Variants in LONP1 observed in about 807,000 individuals in gnomAD.
LONP1 encodes lon peptidase 1, mitochondrial.
A neutral mutation model predicts 98.5 loss-of-function variants in LONP1; 31 were observed. The ratio of observed to expected loss-of-function variants is 0.31; its 90% CI spans 0.24 to 0.42. The LOEUF (loss-of-function observed/expected upper bound fraction) is 0.42. Among genes scored for constraint, LONP1 ranks in the 20% least tolerant of loss-of-function variants. LONP1 has a pLI of 1.00. For missense variants in LONP1, 1,336 were observed against 1,350.6 expected, an observed-to-expected ratio of 0.99 and a Z score of 0.17; for synonymous variants, 781 against 594.7, an observed-to-expected ratio of 1.31 and a Z score of -4.56.
chr19:5,709,890 C>A (rs1284375442), intron 4 of LONP1, among the ~76,000 whole-genome samples: 2 of 109,382 alleles, frequency 1.8e-5, no homozygotes, highest in Non-Finnish European at 3.4e-5. Context: ...CCAGCCTGGG[C>A]GACAGAGGCT....
At position 5,694,380 on chromosome 19, in the gene LONP1, C is replaced by T. The variant is rs201465261; in HGVS notation, c.2320+7G>A. ...GCTTTGGGGTCTTCTCCCGCCACCA[C>T]GCTCACCCATTGCGGTCCAGGCCAG... On this transcript the variant is annotated splice_region_variant and intron_variant, in intron 15 of 17. Transcript: ENST00000360614. 3.4e-5 allele frequency: 55 copies of T among 1,611,828 alleles called. No homozygotes were observed. Among genetic ancestry groups the T allele is most frequent in the Middle Eastern group, 1.7e-4 (1 of 6,058 alleles).
Position 5,713,257 on chromosome 19 carries a change from TG to T in LONP1, c.519-5del, listed in dbSNP as rs1173253939. 2.0e-5 allele frequency: 33 copies of T among 1,614,062 alleles called. No individual in the cohort carries two copies. The highest frequency in any genetic ancestry group is 2.7e-5 in the Non-Finnish European group (32 of 1,179,926). On this transcript the variant is annotated splice_polypyrimidine_tract_variant and splice_region_variant and intron_variant, in intron 2 of 17. Transcript: ENST00000360614. ...CTCGACCACATCCGACTCATTGCTG[TG>T]GGAGAAGAGCACAGAGGAATGTTGG...
In LONP1 at chr19:5,719,698, C is replaced by CATTA. The variant is rs769553549; in HGVS notation, c.429+2_429+5dup. 1.2e-5 allele frequency: 20 copies of CATTA among 1,613,796 alleles called. No individual in the cohort carries two copies. In the South Asian group the frequency reaches 2.1e-4, roughly 17 times the overall value. On this transcript the variant is annotated splice_donor_region_variant and intron_variant, in intron 1 of 17. Transcript: ENST00000360614. ...AACCTGAGGCCGAGGCGGGGACTCC[C>CATTA]ATTACCTCGATAATCTTGATAAAGC...
chr19:5,700,700 C>G, intron 9 of LONP1, 89 bp downstream of exon 9: 4 of 1,539,466 alleles, frequency 2.6e-6, no homozygotes, highest in Admixed American at 3.7e-5. Context: ...CACCAGGGGG[C>G]TCCTTTGAAA....
rs770161154 is a variant in LONP1 at position 5,713,103 on chromosome 19, C to T, written c.638+31G>A. 33 of 1,613,538 alleles carry T rather than the reference C, an allele frequency of 2.0e-5. 1 individual carries two copies. The South Asian group carries it at 3.4e-4, about 17-fold the overall frequency. The stretch of plus-strand genomic sequence containing the variant: ...GGTCTCCCGCGTGGTACTCTGCCCC[C>T]ACCTCCCACTGTCCCCCGCCAGCCA... On this transcript the variant is annotated intron_variant, in intron 3 of 17. Coordinates refer to ENST00000360614, the MANE Select transcript of LONP1 (RefSeq NM_004793.4).
intron 8 of LONP1, among the ~76,000 whole-genome samples, chr19:5,704,112 G>C (rs1393155361): frequency 6.6e-6 from 1 of 152,200 alleles, no homozygotes; most frequent in Non-Finnish European, 1.5e-5. Context: ...TCCTCACCAG[G>C]TCCTCACGAC....
intron 4 of LONP1, 65 bp from the exon 5 acceptor site, chr19:5,708,468 G>GGGGGGGGGGGGC: frequency 7.3e-6 from 4 of 551,262 alleles, no homozygotes; most frequent in East Asian, 4.7e-5. Context: ...GGCTGGGTGG[G>GGGGGGGGGGGGC]AGCATGGCCC....
At chr19:5,694,638 C>CGGGCGCGGGGTGGTGGGGTTAT in intron 14 of LONP1, 86 bp from the exon 15 acceptor site, 1 of 1,522,928 alleles carries the variant, frequency 6.6e-7, no homozygotes, top group Non-Finnish European at 9.0e-7. Context: ...AAAGGTGTGA[C>CGGGCGCGGGGTGGTGGGGTTAT]GGGCGCGGGG....
intron 1 of LONP1, among the ~76,000 whole-genome samples, chr19:5,716,278 A>G (rs1283399395): frequency 1.1e-5 from 1 of 91,570 alleles, no homozygotes; most frequent in African/African-American, 3.6e-5. Context: ...ATATATATAT[A>G]TATATATATA....
In LONP1 at chr19:5,696,609, C is replaced by G. The variant is rs78785368; in HGVS notation, c.1773+61G>C. ...CGGGGATCCTAGGACCCGGAAGGCT[C>G]GGCTTCATCTTGCACACGGCATTGC... On this transcript the variant is annotated intron_variant, in intron 11 of 17. Coordinates refer to ENST00000360614, the MANE Select transcript of LONP1 (RefSeq NM_004793.4). 12 of 1,486,144 alleles carry G rather than the reference C, an allele frequency of 8.1e-6. No individual in the cohort carries two copies. In the East Asian group the frequency reaches 2.8e-4, roughly 34 times the overall value. The allele number at this position is 1,486,144 out of a possible 1,614,324, so 92.1% of individuals were successfully genotyped here. A position where few individuals can be genotyped will look rare whatever the true frequency, so the allele number is the denominator to read the frequency against.
intron 1 of LONP1, among the ~76,000 whole-genome samples, chr19:5,717,970 A>G (rs2055348600): frequency 6.9e-6 from 1 of 144,158 alleles, no homozygotes; most frequent in Non-Finnish European, 1.5e-5. Flanking sequence ...TCAGCCTCCC[A>G]AAGTGCTGGG....
rs2055242905 is a variant in LONP1 at position 5,711,867 on chromosome 19, C to T, written c.774G>A (p.Leu258=). ...DELSARHPAE[L]AMEPTPELPA... The stretch of plus-strand genomic sequence containing the variant: ...GGAGCTCAGGGGTGGGCTCCATCGC[C>T]AGCTCCGCCGGGTGCCTGGCGCTCA... Residue 258 remains leucine, a synonymous_variant, in exon 4 of 18, where the codon CTG becomes CTA. Transcript: ENST00000360614. 3 of 1,612,924 alleles carry T rather than the reference C, an allele frequency of 1.9e-6. No individual in the cohort carries two copies. Among genetic ancestry groups the T allele is most frequent in the Non-Finnish European group, 2.5e-6 (3 of 1,179,996 alleles).
intron 13 of LONP1, 42 bp from the exon 14 acceptor site, chr19:5,694,943 C>A: frequency 6.4e-7 from 1 of 1,574,614 alleles, no homozygotes; most frequent in Non-Finnish European, 8.7e-7. Context: ...AGGGACCTTG[C>A]CCACCAGCTC....
At chr19:5,710,082 A>ATTTT (rs35535433) in intron 4 of LONP1, among the ~76,000 whole-genome samples, 22 of 137,556 alleles carry the variant, frequency 1.6e-4, no homozygotes, top group African/African-American at 5.9e-4. Context: ...GGCTGTCTGA[A>ATTTT]TTTTTTTTTT....
At chr19:5,714,051 G>C (rs1268033951) in intron 2 of LONP1, 132 bp downstream of exon 2, 2 of 648,516 alleles carry the variant, frequency 3.1e-6, no homozygotes, top group Non-Finnish European at 2.7e-6. Flanking sequence ...GTGGCTTCTG[G>C]CCTTTATTCT....
chr19:5,716,588 G>A (rs79847140), intron 1 of LONP1, among the ~76,000 whole-genome samples: 2 of 146,816 alleles, frequency 1.4e-5, no homozygotes, highest in African/African-American at 2.5e-5. Context: ...AAAAAAAAAA[G>A]TCAGTAACAT....
At chr19:5,698,487 ACT>A (rs945974514) in intron 10 of LONP1, among the ~76,000 whole-genome samples, 14 of 152,072 alleles carry the variant, frequency 9.2e-5, no homozygotes, top group African/African-American at 3.4e-4. Context: ...AGGGCGCTGA[ACT>A]CTGAGGGCCG....
intron 4 of LONP1, 52 bp from the exon 5 acceptor site, chr19:5,708,455 GTGGGCTGGGT>G: frequency 1.6e-6 from 2 of 1,261,822 alleles, no homozygotes; most frequent in Non-Finnish European, 2.3e-6. Context: ...CCAGCAGGGG[GTGGGCTGGGT>G]GGGAGCATGG....
intron 8 of LONP1, among the ~76,000 whole-genome samples, chr19:5,701,853 T>TC (rs1173717671): frequency 6.6e-6 from 1 of 150,808 alleles, no homozygotes; most frequent in Admixed American, 6.6e-5. Context: ...GAGGAGCGTC[T>TC]CTGCCCGGCC....
Sources: allele counts gnomAD v4.1 joint callset (sites outside exome capture counted in the v4.1 genomes callset), GRCh38; gene constraint gnomAD v4.1.1; transcripts MANE v1.5; gene names NCBI Gene and HGNC (gene_info 2026-07-23, HGNC 2026-07-21).